SAXO1: variants seen among roughly 807,000 people sequenced by gnomAD.
The protein encoded by SAXO1 is stabilizer of axonemal microtubules 1, also known as 4930500O09Rik.
Under a neutral mutation model 17.5 loss-of-function variants are expected in SAXO1, and 21 were observed. The observed-to-expected ratio is 1.20, with a 90% confidence interval of 0.85 to 1.72. SAXO1 has a LOEUF of 1.72. Ranked by LOEUF, SAXO1 falls within the 40% of genes most tolerant of loss-of-function variation. The pLI, the probability that SAXO1 is intolerant of heterozygous loss-of-function variation, is 0.00. For synonymous variants in SAXO1, 274 were observed against 216.5 expected (o/e 1.27, Z -2.33); for missense variants, 843 against 596.0 (o/e 1.41, Z -4.32).
At chr9:18,978,347 G>T (rs1034894808) in intron 1 of SAXO1, among the ~76,000 whole-genome samples, 1 of 152,162 alleles carries the variant, frequency 6.6e-6, no homozygotes, top group Admixed American at 6.5e-5. Flanking sequence ...ACAGGACCCT[G>T]TCCTGCCTTC....
In SAXO1 at chr9:18,950,942, A is replaced by G; in HGVS notation, c.39-5T>C. 1 of 1,609,888 alleles carries G rather than the reference A, an allele frequency of 6.2e-7. No individual in the cohort carries two copies. The highest frequency in any genetic ancestry group is 8.5e-7 in the Non-Finnish European group (1 of 1,178,320). On this transcript the variant is annotated splice_region_variant and splice_polypyrimidine_tract_variant and intron_variant, in intron 1 of 3. Transcript: ENST00000380534. The stretch of plus-strand genomic sequence containing the variant: ...AGATGTGGACAGTGATGCCGCCTAT[A>G]AAAGACACAGAGTTAGGTTGATTAC...
intron 1 of SAXO1, among the ~76,000 whole-genome samples, chr9:19,016,402 C>T (rs955202388): frequency 3.7e-4 from 57 of 152,290 alleles, no homozygotes; most frequent in African/African-American, 1.3e-3. Context: ...CGCTACTGCA[C>T]TCCAGCATGG....
intron 1 of SAXO1, among the ~76,000 whole-genome samples, chr9:19,022,791 G>T (rs967653231): frequency 1.3e-5 from 2 of 152,152 alleles, no homozygotes; most frequent in East Asian, 1.9e-4. Context: ...CAGCCATTTA[G>T]AAACATTTTT....
At chr9:18,994,137 T>C (rs1833918854) in intron 1 of SAXO1, among the ~76,000 whole-genome samples, 1 of 152,090 alleles carries the variant, frequency 6.6e-6, no homozygotes, top group Admixed American at 6.5e-5. Context: ...TAGCCAAAAA[T>C]ACAGGAAAAA....
chr9:19,026,917 A>C, intron 1 of SAXO1: 1 of 780,944 alleles, frequency 1.3e-6, no homozygotes, highest in Admixed American at 1.7e-5. Context: ...GATGAGGCCA[A>C]GCAAGATGGA....
At chr9:19,032,596 G>C (rs567925095) in intron 1 of SAXO1, among the ~76,000 whole-genome samples, 3 of 152,338 alleles carry the variant, frequency 2.0e-5, no homozygotes, top group Middle Eastern at 6.8e-3. Context: ...GGGCTTCAGG[G>C]AAGGGAGTGC....
chr9:18,958,149 T>G (rs537302404), intron 1 of SAXO1, among the ~76,000 whole-genome samples: 17 of 152,224 alleles, frequency 1.1e-4, no homozygotes, highest in African/African-American at 4.1e-4. Flanking sequence ...CCTAGCCAGG[T>G]GCGGTGGCTC....
chr9:19,045,796 G>A (rs953843996), intron 1 of SAXO1, among the ~76,000 whole-genome samples: 1 of 152,198 alleles, frequency 6.6e-6, no homozygotes, highest in Non-Finnish European at 1.5e-5. Context: ...AATGATCACT[G>A]AACAAATAAG....
chr9:18,967,452 G>A (rs913097610), intron 1 of SAXO1, among the ~76,000 whole-genome samples: 2 of 152,216 alleles, frequency 1.3e-5, no homozygotes, highest in East Asian at 3.8e-4. Context: ...GCCCAGAGAG[G>A]AGGAATCTAG....
chr9:18,943,714 A>T (rs547744948), intron 2 of SAXO1, among the ~76,000 whole-genome samples: 3 of 152,332 alleles, frequency 2.0e-5, no homozygotes, highest in Admixed American at 2.0e-4. Context: ...AGTGATGGCT[A>T]CCTAAGCCTA....
chr9:18,960,385 C>T (rs542644309), intron 1 of SAXO1, among the ~76,000 whole-genome samples: 139 of 152,186 alleles, frequency 9.1e-4, no homozygotes, highest in Non-Finnish European at 1.5e-3. Context: ...TTATGAGGCC[C>T]GGGGAACACT....
At chr9:18,997,752 G>T (rs749692115) in intron 1 of SAXO1, among the ~76,000 whole-genome samples, 18 of 152,194 alleles carry the variant, frequency 1.2e-4, no homozygotes, top group Non-Finnish European at 5.9e-5. Context: ...GCCGATCAAG[G>T]ATGAAGCTTC....
intron 3 of SAXO1, among the ~76,000 whole-genome samples, chr9:18,940,560 T>C (rs756457083): frequency 6.6e-6 from 1 of 152,172 alleles, no homozygotes; most frequent in Non-Finnish European, 1.5e-5. Flanking sequence ...TCACCCTAAA[T>C]GCTTGGCTTG....
At chr9:18,988,155 G>C (rs1025061347) in intron 1 of SAXO1, among the ~76,000 whole-genome samples, 2 of 152,180 alleles carry the variant, frequency 1.3e-5, no homozygotes, top group African/African-American at 4.8e-5. Context: ...ACAGATTTTA[G>C]TTTGAGTTTT....
intron 1 of SAXO1, among the ~76,000 whole-genome samples, chr9:18,960,176 T>G (rs186324526): frequency 6.6e-6 from 1 of 152,260 alleles, no homozygotes; most frequent in Admixed American, 6.5e-5. Flanking sequence ...TTAGATTAAT[T>G]AGAGAAACCT....
chr9:19,007,952 C>T (rs1461498167), intron 1 of SAXO1, among the ~76,000 whole-genome samples: 1 of 151,552 alleles, frequency 6.6e-6, no homozygotes, highest in Non-Finnish European at 1.5e-5. Flanking sequence ...TCTGCAAGTC[C>T]TCAAACATTT....
In SAXO1 at chr9:18,938,794, G is replaced by A. The variant is rs1028960715; in HGVS notation, c.421+2843C>T. Among the ~76,000 whole-genome samples, 5 of 151,706 alleles carry A rather than the reference G, an allele frequency of 3.3e-5. 1 individual carries two copies. ...AGAGATTAAACAAAGAGTACTGCTGGGGTGTGGTGGGGTGCATGCGTGCGT... is the reference window on the plus strand; with the variant it reads ...AGAGATTAAACAAAGAGTACTGCTGAGGTGTGGTGGGGTGCATGCGTGCGT... On this transcript the variant is annotated intron_variant, in intron 3 of 3. Coordinates refer to ENST00000380534, the MANE Select transcript of SAXO1 (RefSeq NM_153707.4).
chr9:18,934,467 T>G (rs887549183), intron 3 of SAXO1, among the ~76,000 whole-genome samples: 4 of 152,242 alleles, frequency 2.6e-5, no homozygotes, highest in African/African-American at 9.6e-5. Flanking sequence ...AACGAATTTT[T>G]TATTTTAGTT....
chr9:19,031,628 T>C (rs1835778321), intron 1 of SAXO1, among the ~76,000 whole-genome samples: 1 of 152,228 alleles, frequency 6.6e-6, no homozygotes, highest in African/African-American at 2.4e-5. Context: ...TCCTAGACTA[T>C]ACACTGCTCT....
Sources: gnomAD v4.1 joint callset for allele counts (sites outside exome capture counted in the v4.1 genomes callset) on GRCh38, gnomAD v4.1.1 for gene constraint, MANE v1.5 for transcripts, NCBI Gene and HGNC (gene_info 2026-07-23, HGNC 2026-07-21) for gene names.